ARHGAP30: variants seen among roughly 807,000 people sequenced by gnomAD.
ARHGAP30 encodes Rho GTPase activating protein 30, also known as rho GTPase-activating protein 30.
ARHGAP30 carries 23 observed loss-of-function variants against 72.0 expected under a neutral mutation model. That is an observed-to-expected ratio of 0.32 (90% CI 0.23 to 0.45). The LOEUF (loss-of-function observed/expected upper bound fraction) is 0.45. Ranked by LOEUF, ARHGAP30 falls within the 20% of genes least tolerant of loss-of-function variation. The pLI is 1.00. For missense variants in ARHGAP30, 1,319 were observed against 1,383.4 expected (o/e 0.95, Z 0.74); for synonymous variants, 576 against 528.2 (o/e 1.09, Z -1.24).
At position 161,056,291 on chromosome 1, in the gene ARHGAP30, C is replaced by T. The variant is rs1374584781; in HGVS notation, c.345+97G>A. 5.4e-6 allele frequency: 8 copies of T among 1,469,566 alleles called. No individual in the cohort carries two copies. In the African/African-American group the frequency reaches 9.9e-5, roughly 18 times the overall value. The allele number at this position is 1,469,566 out of a possible 1,614,324, so 91.0% of individuals were successfully genotyped here. On this transcript the variant is annotated intron_variant, in intron 3 of 11. Coordinates refer to ENST00000368013, the MANE Select transcript of ARHGAP30 (RefSeq NM_001025598.2). ...TTCTGTGGTCTCTGTCATTCAGGAT[C>T]GCTAGGACTCTGGCTAGTATGTGGC...
rs572547018 is a variant in ARHGAP30, at chr1:161,054,938, C to T, written c.346-233G>A. 2.0e-4 allele frequency among the ~76,000 whole-genome samples: 31 copies of T among 152,232 alleles called. No homozygotes were observed. The South Asian group carries it at 5.0e-3, about 24-fold the overall frequency. Reference sequence around the variant, plus strand: ...AATAGCTTTTGTGAACTTGGCAACTCGCTGCCTTACCATCCTCCATCCGTA... The same window carrying T: ...AATAGCTTTTGTGAACTTGGCAACTTGCTGCCTTACCATCCTCCATCCGTA... On this transcript the variant is annotated intron_variant, in intron 3 of 11. Transcript: ENST00000368013.
intron 1 of ARHGAP30, among the ~76,000 whole-genome samples, chr1:161,060,928 A>T (rs1652269245): frequency 1.3e-5 from 2 of 150,126 alleles, no homozygotes; most frequent in South Asian, 2.1e-4. Flanking sequence ...CTGGTCTTGA[A>T]CTCCTGACCT....
intron 10 of ARHGAP30, among the ~76,000 whole-genome samples, chr1:161,051,088 C>T (rs903250712): frequency 3.3e-5 from 5 of 152,218 alleles, no homozygotes; most frequent in Non-Finnish European, 7.3e-5. Context: ...TTGGGTACAT[C>T]AATGTTCTGA....
chr1:161,055,681 G>A (rs1651765356), intron 3 of ARHGAP30, among the ~76,000 whole-genome samples: 1 of 151,588 alleles, frequency 6.6e-6, no homozygotes, highest in African/African-American at 2.4e-5. Context: ...CTACTCGGGA[G>A]GCTGAGGCAG....
intron 1 of ARHGAP30, among the ~76,000 whole-genome samples, chr1:161,059,928 T>C (rs1652188395): frequency 6.6e-6 from 1 of 152,158 alleles, no homozygotes. Flanking sequence ...TCCTGGGAGC[T>C]CACTGCCTCT....
In ARHGAP30 at chr1:161,047,532, G is replaced by T; in HGVS notation, c.*183C>A. On this transcript the variant is annotated 3_prime_UTR_variant, in exon 12 of 12. Coordinates refer to ENST00000368013, the MANE Select transcript of ARHGAP30 (RefSeq NM_001025598.2). ...TCCTAAGAGATAAGTGCTTTGTGTC[G>T]GAGACAAGTTCAGGTAAACCAACCA... 1 of 482,902 alleles carries T rather than the reference G, an allele frequency of 2.1e-6. No individual in the cohort carries two copies. Among genetic ancestry groups the T allele is most frequent in the Non-Finnish European group, 3.4e-6 (1 of 291,928 alleles). 29.9% of individuals were successfully genotyped at this position (482,902 alleles called of 1,614,324 possible). A position where few individuals can be genotyped will look rare whatever the true frequency, so the allele number is the denominator to read the frequency against.
At chr1:161,056,043 AGTG>A (rs1457295285) in intron 3 of ARHGAP30, among the ~76,000 whole-genome samples, 1 of 152,110 alleles carries the variant, frequency 6.6e-6, no homozygotes, top group Non-Finnish European at 1.5e-5. Context: ...GATTCTCTTA[AGTG>A]TAGGGAAGCT....
intron 6 of ARHGAP30, 60 bp downstream of exon 6, chr1:161,053,198 C>G (rs1651546436): frequency 3.1e-6 from 5 of 1,601,584 alleles, no homozygotes; most frequent in Non-Finnish European, 4.3e-6. Flanking sequence ...CTTCAAGGCT[C>G]TCTGTAACTA....
chr1:161,053,487 TCTCTC>T, intron 5 of ARHGAP30, 102 bp from the exon 6 acceptor site: 1 of 1,232,256 alleles, frequency 8.1e-7, no homozygotes, highest in East Asian at 2.7e-5. Context: ...TCTCTCTCTC[TCTCTC>T]TCTCTCTCTC....
At chr1:161,061,815 T>A (rs116642638) in intron 1 of ARHGAP30, among the ~76,000 whole-genome samples, 4,192 of 152,156 alleles carry the variant, frequency 0.028, 182 homozygotes, top group African/African-American at 0.094. Flanking sequence ...TGGCCAGGCG[T>A]GGTGGCTCAC....
At chr1:161,051,241 T>C (rs1356836232) in intron 10 of ARHGAP30, 73 bp downstream of exon 10, 1 of 1,503,330 alleles carries the variant, frequency 6.7e-7, no homozygotes, top group Non-Finnish European at 8.8e-7. Flanking sequence ...CTAGGGTGGA[T>C]CTTCCAGCAT....
rs1404425887 is a variant in ARHGAP30 at position 161,059,805 on chromosome 1, G to A, written c.98-89C>T. ...GGGTCTGAGAAATGGAATTTGGGGA[G>A]ACCACGACGAGCAAAGCTCATGGAA... On this transcript the variant is annotated intron_variant, in intron 1 of 11. Coordinates refer to ENST00000368013, the MANE Select transcript of ARHGAP30 (RefSeq NM_001025598.2). 24 of 1,092,390 alleles carry A rather than the reference G, an allele frequency of 2.2e-5. No homozygotes were observed. The East Asian group carries it at 3.6e-4, about 17-fold the overall frequency. 67.7% of individuals were successfully genotyped at this position (1,092,390 alleles called of 1,614,324 possible).
chr1:161,054,761 A>G, intron 3 of ARHGAP30, 56 bp from the exon 4 acceptor site: 1 of 1,499,270 alleles, frequency 6.7e-7, no homozygotes, highest in Non-Finnish European at 9.3e-7. Context: ...GCCCCTGCTT[A>G]CTCCCCAGAG....
intron 1 of ARHGAP30, among the ~76,000 whole-genome samples, chr1:161,061,949 G>A (rs768508804): frequency 6.6e-6 from 1 of 152,122 alleles, no homozygotes; most frequent in Admixed American, 6.6e-5. Context: ...TTAGCCGGGC[G>A]TGGCAGCGCA....
Position 161,047,832 on chromosome 1 carries a change from C to G in ARHGAP30, c.3189G>C (p.Arg1063=), listed in dbSNP as rs1650975687. Residue 1063 remains arginine, a synonymous_variant, in exon 12 of 12, where the codon CGG becomes CGC. Transcript: ENST00000368013. ...PSEGAEGSGS[R]SRLSLPPREP... ...CTCTGGGGGGCAGACTAAGACGACT[C>G]CGGGATCCAGACCCTTCTGCACCTT... is the stretch of plus-strand genomic sequence containing the variant. 1.2e-6 allele frequency: 2 copies of G among 1,611,060 alleles called. No individual in the cohort carries two copies. Among genetic ancestry groups the G allele is most frequent in the Non-Finnish European group, 1.7e-6 (2 of 1,178,834 alleles).
At chr1:161,054,106 C>T (rs1651649907) in intron 5 of ARHGAP30, among the ~76,000 whole-genome samples, 1 of 152,142 alleles carries the variant, frequency 6.6e-6, no homozygotes, top group Non-Finnish European at 1.5e-5. Flanking sequence ...TGTTATGTTC[C>T]AGTCCCTGAG....
At chr1:161,050,368 A>G (rs1420795416) in intron 10 of ARHGAP30, among the ~76,000 whole-genome samples, 1 of 133,056 alleles carries the variant, frequency 7.5e-6, no homozygotes, top group Non-Finnish European at 1.5e-5. Context: ...GCGCAATCTC[A>G]GCTCACTGCA....
chr1:161,063,147 G>A (rs553993053), intron 1 of ARHGAP30, among the ~76,000 whole-genome samples: 1 of 152,274 alleles, frequency 6.6e-6, no homozygotes, highest in South Asian at 2.1e-4. Flanking sequence ...CTTGCAGTTT[G>A]TTATGATTAG....
At chr1:161,064,781 A>G (rs866723612) in intron 1 of ARHGAP30, among the ~76,000 whole-genome samples, 42 of 67,334 alleles carry the variant, frequency 6.2e-4, no homozygotes, top group African/African-American at 2.9e-3. Context: ...AAGAAAGAAA[A>G]AGAAAGAAAG....
Sources: allele counts gnomAD v4.1 joint callset (sites outside exome capture counted in the v4.1 genomes callset), GRCh38; gene constraint gnomAD v4.1.1; transcripts MANE v1.5; gene names NCBI Gene and HGNC (gene_info 2026-07-23, HGNC 2026-07-21).